The following ZNF717 variants were observed in gnomAD, a reference collection of about 807,000 sequenced individuals.
The protein encoded by ZNF717 is zinc finger protein 717.
In ZNF717, 9 loss-of-function variants were observed where a neutral mutation model predicts 13.8. The observed-to-expected ratio is 0.65, with a 90% CI of 0.39 to 1.14. The LOEUF (loss-of-function observed/expected upper bound fraction) is 1.14. Among genes scored for constraint, ZNF717 ranks in the 50% most tolerant of loss-of-function variants. The probability of loss-of-function intolerance (pLI) is 0.01; values close to 1 mark genes in which losing one functional copy is unlikely to be tolerated. For missense variants in ZNF717, 1,040 were observed against 1,080.7 expected (o/e 0.96, Z 0.53); for synonymous variants, 327 against 364.1 (o/e 0.90, Z 1.16).
Position 75,738,163 on chromosome 3 carries a change from G to A in ZNF717, c.1460C>T (p.Thr487Met), listed in dbSNP as rs1376913597. 5.6e-5 allele frequency: 77 copies of A among 1,372,162 alleles called. No individual in the cohort carries two copies. Among genetic ancestry groups the A allele is most frequent in the African/African-American group, 2.5e-4 (17 of 69,118 alleles). The allele number at this position is 1,372,162 out of a possible 1,614,324, so 85.0% of individuals were successfully genotyped here. The change falls in exon 5 of 5, where the codon ACG becomes ATG. Residue 487 changes from threonine to methionine, a missense_variant. Coordinates refer to ENST00000652011, the MANE Select transcript of ZNF717 (RefSeq NM_001290208.3). ...KPYECNECGKTFHRKSFLTIH... is the reference protein window; with the variant it reads ...KPYECNECGKMFHRKSFLTIH... ...AGTGAGGAATGACTTACGGTGAAAC[G>A]TTTTCCCACATTCATTGCATTCATA...
chr3:75,765,035 A>ATATATATATATATATATATATATG (rs1559662069), intron 2 of ZNF717, among the ~76,000 whole-genome samples: 2 of 81,790 alleles, frequency 2.4e-5, no homozygotes, highest in Admixed American at 1.3e-4. Context: ...ATATATGTAT[A>ATATATATATATATATATATATATG]TGTGTGTGTG....
chr3:75,775,871 T>A (rs76448930), intron 2 of ZNF717, among the ~76,000 whole-genome samples: 7 of 147,690 alleles, frequency 4.7e-5, no homozygotes, highest in Admixed American at 1.3e-4. Flanking sequence ...AAAAAAAAAA[T>A]TCCCAAAAGT....
intron 4 of ZNF717, among the ~76,000 whole-genome samples, chr3:75,717,743 T>C (rs1249401012): frequency 6.6e-6 from 1 of 152,196 alleles, no homozygotes; most frequent in Non-Finnish European, 1.5e-5. Flanking sequence ...AGTGCAGCTC[T>C]CCTTACCTGC....
At chr3:75,732,023 A>G, downstream of ZNF717, 1 of 701,732 alleles carries the variant, frequency 1.4e-6, no homozygotes, top group South Asian at 1.5e-5. Flanking sequence ...CACCAGGGAG[A>G]TCCAGTTATG....
exon 6 of ZNF717, chr3:75,710,492 TAAG>T (rs1286731824): frequency 6.6e-6 from 1 of 152,220 alleles, no homozygotes; most frequent in Non-Finnish European, 1.5e-5. Flanking sequence ...AATGTAGCAT[TAAG>T]GAGGAGGAGG....
chr3:75,709,477 C>T (rs77071242), downstream of ZNF717, among the ~76,000 whole-genome samples: 4 of 152,064 alleles, frequency 2.6e-5, no homozygotes, highest in Non-Finnish European at 4.4e-5. Context: ...GGCAAACACC[C>T]AAATCACATG....
At chr3:75,699,518 T>A (rs554736801) in intron 6 of ZNF717, among the ~76,000 whole-genome samples, 4 of 152,288 alleles carry the variant, frequency 2.6e-5, no homozygotes, top group Admixed American at 1.3e-4. Context: ...TTAGCTTTCA[T>A]GAGAGTTGGT....
chr3:75,747,245 C>T (rs55866940), intron 2 of ZNF717, among the ~76,000 whole-genome samples: 14,160 of 152,090 alleles, frequency 0.093, 1,129 homozygotes, highest in African/African-American at 0.2. Context: ...CAGTACCATG[C>T]TGTTTTGGTT....
intron 2 of ZNF717, among the ~76,000 whole-genome samples, chr3:75,782,441 C>A (rs1240847868): frequency 6.6e-6 from 1 of 152,210 alleles, no homozygotes; most frequent in African/African-American, 2.4e-5. Flanking sequence ...ACTCTTTGAG[C>A]AAGGAGCATA....
intron 6 of ZNF717, among the ~76,000 whole-genome samples, chr3:75,697,839 G>A (rs1359818711): frequency 1.4e-4 from 21 of 152,314 alleles, no homozygotes; most frequent in African/African-American, 5.1e-4. Context: ...ACAGAAAAAT[G>A]AGAGAAAGTT....
At chr3:75,718,118 G>A (rs1336116610) in intron 4 of ZNF717, among the ~76,000 whole-genome samples, 1 of 152,190 alleles carries the variant, frequency 6.6e-6, no homozygotes, top group African/African-American at 2.4e-5. Flanking sequence ...GGGGAGCCAC[G>A]TCGAACATGG....
At chr3:75,705,131 G>A (rs1217358407), downstream of ZNF717, among the ~76,000 whole-genome samples, 1 of 152,306 alleles carries the variant, frequency 6.6e-6, no homozygotes, top group Non-Finnish European at 1.5e-5. Flanking sequence ...TAGGGCAGCT[G>A]TACCCTACTT....
chr3:75,777,075 T>C (rs1944376011), intron 2 of ZNF717, among the ~76,000 whole-genome samples: 1 of 152,234 alleles, frequency 6.6e-6, no homozygotes, highest in South Asian at 2.1e-4. Context: ...TCAAATGTTT[T>C]AAGAGTTTGC....
Position 75,740,475 on chromosome 3 carries a change from C to T in ZNF717, c.277+801G>A, listed in dbSNP as rs1457070567. Among the ~76,000 whole-genome samples the T allele has an allele frequency of 3.7e-4, 56 of 152,084 alleles. No individual in the cohort carries two copies. The South Asian group carries it at 9.6e-3, about 26-fold the overall frequency. ...AGTGCAGTGTTGCTATCATAGCTCA[C>T]TGAAGCTTGAAACTCCTGAGCTCAA... On this transcript the variant is annotated intron_variant, in intron 4 of 4. Coordinates refer to ENST00000652011, the MANE Select transcript of ZNF717 (RefSeq NM_001290208.3).
At chr3:75,697,397 A>T (rs1937615242) in intron 6 of ZNF717, among the ~76,000 whole-genome samples, 1 of 152,308 alleles carries the variant, frequency 6.6e-6, no homozygotes, top group East Asian at 1.9e-4. Context: ...ATCGGGGTGG[A>T]TTACTCATAA....
At chr3:75,697,385 T>A (rs796326664) in intron 6 of ZNF717, among the ~76,000 whole-genome samples, 3 of 152,404 alleles carry the variant, frequency 2.0e-5, no homozygotes, top group East Asian at 3.9e-4. Flanking sequence ...GGTGATTTAA[T>A]CATCGGGGTG....
At chr3:75,752,065 G>A (rs1456170616) in intron 2 of ZNF717, among the ~76,000 whole-genome samples, 1 of 151,590 alleles carries the variant, frequency 6.6e-6, no homozygotes, top group Non-Finnish European at 1.5e-5. Flanking sequence ...GAACACTCCT[G>A]CTGTGGTCTG....
intron 2 of ZNF717, among the ~76,000 whole-genome samples, chr3:75,755,969 T>A (rs973139443): frequency 2.6e-5 from 4 of 152,176 alleles, no homozygotes; most frequent in African/African-American, 9.7e-5. Flanking sequence ...GACAGACACA[T>A]CTCGTTTCAC....
At chr3:75,734,813 A>ATT (rs1196032873), downstream of ZNF717, among the ~76,000 whole-genome samples, 11 of 60,080 alleles carry the variant, frequency 1.8e-4, no homozygotes, top group South Asian at 7.7e-4. Context: ...ATATATATAT[A>ATT]TATATTTTTT....
Sources: gnomAD v4.1 joint callset for allele counts (sites outside exome capture counted in the v4.1 genomes callset) on GRCh38, gnomAD v4.1.1 for gene constraint, MANE v1.5 for transcripts, NCBI Gene and HGNC (gene_info 2026-07-23, HGNC 2026-07-21) for gene names.